The following ABLIM2 variants were observed in gnomAD, a reference collection of about 807,000 sequenced individuals.
The protein encoded by ABLIM2 is actin-binding LIM protein 2.
In ABLIM2, 53 loss-of-function variants were observed where a neutral mutation model predicts 97.7. The observed-to-expected ratio is 0.54, with a 90% CI of 0.44 to 0.68. The LOEUF (loss-of-function observed/expected upper bound fraction) is 0.68, where lower values mean the gene tolerates loss of function less well. ABLIM2 is among the 30% of genes least tolerant of loss of function. The probability of loss-of-function intolerance (pLI) is 0.00; values close to 1 mark genes in which losing one functional copy is unlikely to be tolerated. For synonymous variants in ABLIM2, 361 were observed against 345.8 expected, an observed-to-expected ratio of 1.04 and a Z score of -0.49; for missense variants, 835 against 867.2, an observed-to-expected ratio of 0.96 and a Z score of 0.47.
At chr4:8,152,451 C>T (rs896652123) in intron 1 of ABLIM2, among the ~76,000 whole-genome samples, 1 of 152,240 alleles carries the variant, frequency 6.6e-6, no homozygotes, top group Admixed American at 6.5e-5. Context: ...GAGCATCTGG[C>T]CCAGGGCCCC....
intron 2 of ABLIM2, among the ~76,000 whole-genome samples, chr4:8,103,755 AGGGGGACCCG>A (rs1009404776): frequency 4.6e-5 from 7 of 152,254 alleles, no homozygotes; most frequent in Middle Eastern, 3.4e-3. Context: ...GTGACAGAGG[AGGGGGACCCG>A]GGGCAGTTTC....
Position 8,075,734 on chromosome 4 carries a change from T to C in ABLIM2, c.675+1894A>G, listed in dbSNP as rs749048450. Among the ~76,000 whole-genome samples the C allele has an allele frequency of 2.0e-5, 3 of 152,116 alleles. No individual in the cohort carries two copies. Among genetic ancestry groups the C allele is most frequent in the Admixed American group, 6.5e-5 (1 of 15,276 alleles). On this transcript the variant is annotated intron_variant, in intron 6 of 20. Coordinates refer to ENST00000447017, the MANE Select transcript of ABLIM2 (RefSeq NM_001130083.2). This position sits in a 1 kb window ranked among gnomAD's most constrained non-coding sequence, Gnocchi z 4.4. The stretch of plus-strand genomic sequence containing the variant: ...AAACCATTGACTTGTGCCCTTTAAA[T>C]GGGCAAATTGTGAACTCTATCTCAA...
Position 8,148,423 on chromosome 4 carries a change from G to C in ABLIM2, c.10+10257C>G, listed in dbSNP as rs1429699603. 6.6e-6 allele frequency among the ~76,000 whole-genome samples: 1 copy of C among 152,116 alleles called. No individual in the cohort carries two copies. Among genetic ancestry groups the C allele is most frequent in the Non-Finnish European group, 1.5e-5 (1 of 68,000 alleles). ...GAGGGAGCCGCTCAGGACGCGGGGG[G>C]GCCATGGCGCACCACAGTTAGGAGT... On this transcript the variant is annotated intron_variant, in intron 1 of 20. Coordinates refer to ENST00000447017, the MANE Select transcript of ABLIM2 (RefSeq NM_001130083.2). The surrounding 1 kb of genome is among the most constrained non-coding windows in gnomAD (Gnocchi z 6.7).
chr4:8,041,737 T>C (rs904274662), intron 9 of ABLIM2, among the ~76,000 whole-genome samples: 2 of 151,798 alleles, frequency 1.3e-5, no homozygotes, highest in African/African-American at 4.8e-5. Context: ...CCCGTCTCTA[T>C]TAAAAATACA....
At chr4:8,008,772 A>G (rs1344206873) in intron 15 of ABLIM2, among the ~76,000 whole-genome samples, 1 of 152,190 alleles carries the variant, frequency 6.6e-6, no homozygotes, top group African/African-American at 2.4e-5. Context: ...TGCCCCAGGG[A>G]TGCACTTTGA....
intron 7 of ABLIM2, among the ~76,000 whole-genome samples, chr4:8,060,304 C>G (rs1298968432): frequency 6.6e-6 from 1 of 152,186 alleles, no homozygotes; most frequent in Admixed American, 6.5e-5. Flanking sequence ...AAGTCTCGCC[C>G]TTTCTTCAGG....
intron 14 of ABLIM2, among the ~76,000 whole-genome samples, chr4:8,009,570 A>G (rs1020093826): frequency 3.3e-5 from 5 of 151,818 alleles, no homozygotes; most frequent in African/African-American, 9.7e-5. Flanking sequence ...TAAGTTTTAT[A>G]TTTTTGGAAG....
Position 8,033,514 on chromosome 4 carries a change from C to T in ABLIM2, c.1047+2635G>A, listed in dbSNP as rs901004300. On this transcript the variant is annotated intron_variant, in intron 10 of 20. Transcript: ENST00000447017. The surrounding 1 kb of genome is among the most constrained non-coding windows in gnomAD (Gnocchi z 4.5). Reference sequence around the variant, plus strand: ...GGAAGCTCTGTATGGACACACCTGACCCAGGAGCCCAGCCCTGTCCACCTG... The same window carrying T: ...GGAAGCTCTGTATGGACACACCTGATCCAGGAGCCCAGCCCTGTCCACCTG... Among the ~76,000 whole-genome samples, 2 of 152,224 alleles carry T rather than the reference C, an allele frequency of 1.3e-5. No homozygotes were observed. Among genetic ancestry groups the T allele is most frequent in the African/African-American group, 4.8e-5 (2 of 41,458 alleles).
At position 7,967,086 on chromosome 4, in the gene ABLIM2, C is replaced by T; in HGVS notation, c.1842G>A (p.Glu614=). Residue 614 remains glutamate, a synonymous_variant, in exon 21 of 21, where the codon GAG becomes GAA. Coordinates refer to ENST00000447017, the MANE Select transcript of ABLIM2 (RefSeq NM_001130083.2). Reference sequence around the variant, plus strand: ...TCATCCCAAACACTTCCTGGAACTCCTCGGGCGACAAGTGTCTCTTCAAAC... The same window carrying T: ...TCATCCCAAACACTTCCTGGAACTCTTCGGGCGACAAGTGTCTCTTCAAAC... ...RTRLERHLSP[E]EFQEVFGMSI... The T allele has an allele frequency of 6.2e-7, 1 of 1,613,744 alleles. No individual in the cohort carries two copies. Among genetic ancestry groups the T allele is most frequent in the South Asian group, 1.1e-5 (1 of 91,080 alleles).
chr4:8,039,879 T>C (rs994030487), intron 9 of ABLIM2, among the ~76,000 whole-genome samples: 3 of 140,896 alleles, frequency 2.1e-5, no homozygotes, highest in Non-Finnish European at 4.6e-5. Context: ...TTACTGTTTT[T>C]TTTTTTTTTT....
At position 8,001,122 on chromosome 4, in the gene ABLIM2, G is replaced by C. The variant is rs116414643; in HGVS notation, c.1618+6937C>G. On this transcript the variant is annotated intron_variant, in intron 16 of 20. Transcript: ENST00000447017. This position sits in a 1 kb window ranked among gnomAD's most constrained non-coding sequence, Gnocchi z 4.2. The stretch of plus-strand genomic sequence containing the variant: ...CTGAGCCTTGGTGTGTCCATCTGAG[G>C]AAGACGGGCACCCCTCATCCCTGAG... 0.011 allele frequency among the ~76,000 whole-genome samples: 1,703 copies of C among 152,326 alleles called. 35 individuals are homozygous for C. Among genetic ancestry groups the C allele is most frequent in the African/African-American group, 0.035 (1,474 of 41,572 alleles).
chr4:7,979,499 A>T (rs917462639), intron 20 of ABLIM2, among the ~76,000 whole-genome samples: 1 of 152,264 alleles, frequency 6.6e-6, no homozygotes, highest in Non-Finnish European at 1.5e-5. Flanking sequence ...GAGCCTTAAG[A>T]GAATATGATT....
rs973406433 is a variant in ABLIM2 at position 8,072,836 on chromosome 4, C to T, written c.675+4792G>A. Among the ~76,000 whole-genome samples, 13 of 152,144 alleles carry T rather than the reference C, an allele frequency of 8.5e-5. No homozygotes were observed. Among genetic ancestry groups the T allele is most frequent in the African/African-American group, 3.1e-4 (13 of 41,434 alleles). On this transcript the variant is annotated intron_variant, in intron 6 of 20. Transcript: ENST00000447017. The surrounding 1 kb of genome is among the most constrained non-coding windows in gnomAD (Gnocchi z 5.8). ...AGAGGAGCAGGGTCAGGGACAGCAC[C>T]TGAGTGGGGAACGCAGGCCCTGCAA...
intron 3 of ABLIM2, among the ~76,000 whole-genome samples, chr4:8,093,314 G>A (rs1407942966): frequency 2.0e-5 from 3 of 152,190 alleles, no homozygotes; most frequent in African/African-American, 7.2e-5. Flanking sequence ...GCCAGCTGAT[G>A]GCTTGCTTTT....
chr4:8,006,877 A>T (rs900162258), intron 16 of ABLIM2: 6 of 324,400 alleles, frequency 1.8e-5, no homozygotes, highest in Non-Finnish European at 8.7e-6. Flanking sequence ...GGATTTTTGC[A>T]GGGGGGGGGT....
rs552005008 is a variant in ABLIM2 at position 8,087,697 on chromosome 4, T to C, written c.454+472A>G. Among the ~76,000 whole-genome samples, 2 of 152,054 alleles carry C rather than the reference T, an allele frequency of 1.3e-5. No individual in the cohort carries two copies. The highest frequency in any genetic ancestry group is 4.1e-4 in the South Asian group (2 of 4,820). On this transcript the variant is annotated intron_variant, in intron 4 of 20. Coordinates refer to ENST00000447017, the MANE Select transcript of ABLIM2 (RefSeq NM_001130083.2). The surrounding 1 kb of genome is among the most constrained non-coding windows in gnomAD (Gnocchi z 4.6). ...TGGACATTAGATGGGAAAGCAGCAG[T>C]GGGCATTAGATGGGAAAGCAGCAGT...
At position 8,150,972 on chromosome 4, in the gene ABLIM2, CTGCCCGTTCCCTGG is replaced by C. The variant is rs963404708; in HGVS notation, c.10+7694_10+7707del. On this transcript the variant is annotated intron_variant, in intron 1 of 20. Transcript: ENST00000447017. This position sits in a 1 kb window ranked among gnomAD's most constrained non-coding sequence, Gnocchi z 6.3. ...ATTTACAGCTGTGACAAAGGCCATT[CTGCCCGTTCCCTGG>C]TGCCTGCCGTGCCCAGGCCCTTGAC... is the stretch of plus-strand genomic sequence containing the variant. Among the ~76,000 whole-genome samples the C allele has an allele frequency of 6.6e-6, 1 of 152,202 alleles. No homozygotes were observed. The highest frequency in any genetic ancestry group is 2.4e-5 in the African/African-American group (1 of 41,442).
chr4:8,092,062 A>G (rs1829141168), intron 3 of ABLIM2, among the ~76,000 whole-genome samples: 1 of 149,214 alleles, frequency 6.7e-6, no homozygotes, highest in African/African-American at 2.5e-5. Flanking sequence ...CACTGGCACA[A>G]TGTTGGCTCA....
chr4:7,991,403 G>A (rs561609530), intron 17 of ABLIM2, among the ~76,000 whole-genome samples: 1 of 149,328 alleles, frequency 6.7e-6, no homozygotes, highest in South Asian at 2.1e-4. Flanking sequence ...TGGCTTGGTC[G>A]GACTGTGAAC....
Sources: allele counts gnomAD v4.1 joint callset (sites outside exome capture counted in the v4.1 genomes callset), GRCh38; gene constraint gnomAD v4.1.1; non-coding constraint Gnocchi (gnomAD v3.1); transcripts MANE v1.5; gene names NCBI Gene and HGNC (gene_info 2026-07-23, HGNC 2026-07-21).